BBS9: variants seen among roughly 807,000 people sequenced by gnomAD.
BBS9 encodes the protein Bardet-Biedl syndrome 9, also known as protein PTHB1.
BBS9 carries 89 observed loss-of-function variants against 117.7 expected under a neutral mutation model. The observed-to-expected ratio is 0.76, with a 90% CI of 0.64 to 0.90. The LOEUF is 0.90. BBS9 is among the 40% of genes least tolerant of loss of function. The pLI, the probability that BBS9 is intolerant of heterozygous loss-of-function variation, is 0.00. For missense variants in BBS9, 982 were observed against 1,042.2 expected (o/e 0.94, Z 0.80); for synonymous variants, 379 against 370.9 (o/e 1.02, Z -0.25).
intron 19 of BBS9, among the ~76,000 whole-genome samples, chr7:33,476,273 A>T (rs1487390638): frequency 6.6e-6 from 1 of 152,070 alleles, no homozygotes; most frequent in East Asian, 1.9e-4. Flanking sequence ...GTTGGATTCC[A>T]CTTGGACTAT....
At chr7:33,475,541 C>T (rs1339928408) in intron 19 of BBS9, among the ~76,000 whole-genome samples, 1 of 152,022 alleles carries the variant, frequency 6.6e-6, no homozygotes, top group Non-Finnish European at 1.5e-5. Context: ...GGATGTTTCA[C>T]AGCATCCCTG....
intron 21 of BBS9, among the ~76,000 whole-genome samples, chr7:33,541,820 A>G (rs1164802352): frequency 2.0e-5 from 3 of 152,214 alleles, no homozygotes; most frequent in African/African-American, 7.2e-5. Context: ...AGTGATAGCT[A>G]ATGAGTACAG....
intron 5 of BBS9, among the ~76,000 whole-genome samples, chr7:33,211,609 C>G (rs893048567): frequency 2.0e-5 from 3 of 152,016 alleles, no homozygotes; most frequent in Non-Finnish European, 4.4e-5. Context: ...TTTAGTCTTT[C>G]TACTTAATGT....
chr7:33,586,601 C>A (rs748340243), intron 21 of BBS9, among the ~76,000 whole-genome samples: 2 of 152,044 alleles, frequency 1.3e-5, no homozygotes, highest in Non-Finnish European at 2.9e-5. Flanking sequence ...CTTGTATGTT[C>A]ATCGCAGTGC....
At chr7:33,141,983 C>T (rs750073436) in intron 1 of BBS9, among the ~76,000 whole-genome samples, 2 of 151,704 alleles carry the variant, frequency 1.3e-5, no homozygotes, top group Admixed American at 6.6e-5. Flanking sequence ...TTGCCCAGGC[C>T]GGACTGCAGT....
At chr7:33,132,175 T>A (rs899370751) in intron 1 of BBS9, among the ~76,000 whole-genome samples, 2 of 152,206 alleles carry the variant, frequency 1.3e-5, no homozygotes, top group African/African-American at 4.8e-5. Flanking sequence ...GCTATTGCTT[T>A]TATAGTCTAC....
intron 16 of BBS9, 107 bp from the exon 17 acceptor site, chr7:33,367,660 A>G: frequency 1.2e-6 from 1 of 849,146 alleles, no homozygotes; most frequent in Non-Finnish European, 2.0e-6. Flanking sequence ...GAGTTTATAC[A>G]TGACTAGTGA....
chr7:33,600,795 A>T (rs1863680162), intron 21 of BBS9, among the ~76,000 whole-genome samples: 1 of 152,110 alleles, frequency 6.6e-6, no homozygotes, highest in African/African-American at 2.4e-5. Context: ...TCTGTGTCCC[A>T]TGCCTCCATC....
At chr7:33,371,419 T>A (rs910980277) in intron 17 of BBS9, among the ~76,000 whole-genome samples, 1 of 152,160 alleles carries the variant, frequency 6.6e-6, no homozygotes, top group African/African-American at 2.4e-5. Flanking sequence ...AGCAACCAAT[T>A]TCAGTAACTC....
At chr7:33,442,310 A>T (rs1325744297) in intron 19 of BBS9, among the ~76,000 whole-genome samples, 1 of 152,222 alleles carries the variant, frequency 6.6e-6, no homozygotes, top group Non-Finnish European at 1.5e-5. Context: ...AAGACCAGGA[A>T]AGAGATTTAG....
At chr7:33,148,737 T>C (rs1332089575) in intron 2 of BBS9, among the ~76,000 whole-genome samples, 4 of 150,214 alleles carry the variant, frequency 2.7e-5, no homozygotes. Flanking sequence ...TGATCATGGC[T>C]CACTGCAGCC....
intron 11 of BBS9, among the ~76,000 whole-genome samples, chr7:33,342,132 T>C (rs1287444221): frequency 6.6e-6 from 1 of 152,150 alleles, no homozygotes; most frequent in African/African-American, 2.4e-5. Flanking sequence ...AGATTAATTT[T>C]AGTATAAACA....
At chr7:33,394,714 T>G (rs1381271675) in intron 19 of BBS9, among the ~76,000 whole-genome samples, 1 of 152,210 alleles carries the variant, frequency 6.6e-6, no homozygotes, top group African/African-American at 2.4e-5. Context: ...TTTGTAAAAT[T>G]GGAATACTGC....
At chr7:33,281,208 A>G (rs905998092) in intron 9 of BBS9, among the ~76,000 whole-genome samples, 1 of 151,628 alleles carries the variant, frequency 6.6e-6, no homozygotes, top group Non-Finnish European at 1.5e-5. Context: ...TAGTCAGCTT[A>G]TATTCCTGAT....
chr7:33,587,640 G>A (rs1861152095), intron 21 of BBS9, among the ~76,000 whole-genome samples: 1 of 152,088 alleles, frequency 6.6e-6, no homozygotes, highest in Non-Finnish European at 1.5e-5. Flanking sequence ...TTTGACAATT[G>A]CAAGGGAGTC....
intron 20 of BBS9, among the ~76,000 whole-genome samples, chr7:33,510,907 T>C (rs920166833): frequency 1.3e-5 from 2 of 152,238 alleles, no homozygotes; most frequent in Non-Finnish European, 2.9e-5. Flanking sequence ...GATACTGACA[T>C]TAAGTTATAC....
chr7:33,351,263 A>G lies in BBS9; in HGVS notation c.1477A>G (p.Arg493Gly). 6.2e-7 allele frequency: 1 copy of G among 1,613,424 alleles called. No homozygotes were observed. Among genetic ancestry groups the G allele is most frequent in the Non-Finnish European group, 8.5e-7 (1 of 1,179,432 alleles). The change falls in exon 14 of 23, where the codon AGA (arginine) becomes GGA (glycine). Residue 493 changes from arginine (R) to glycine (G), a missense_variant. Transcript: ENST00000242067. The stretch of plus-strand genomic sequence containing the variant: ...AGTAAGCTTTTCTGTTTATCTGAAA[A>G]GAAGTTATACACCATCAGAATTGGA... ...RTVSFSVYLK[R>G]SYTPSELEGN...
intron 5 of BBS9, among the ~76,000 whole-genome samples, chr7:33,185,376 T>C (rs1452579014): frequency 1.3e-5 from 2 of 150,916 alleles, no homozygotes; most frequent in African/African-American, 4.9e-5. Flanking sequence ...TCTTTTTACA[T>C]AAATCTTTAT....
intron 16 of BBS9, among the ~76,000 whole-genome samples, chr7:33,360,545 G>A (rs1487582241): frequency 7.2e-6 from 1 of 138,760 alleles, no homozygotes; most frequent in African/African-American, 2.7e-5. Flanking sequence ...TTTTGAGACA[G>A]GGTCTCATTC....
Sources: allele counts gnomAD v4.1 joint callset (sites outside exome capture counted in the v4.1 genomes callset), GRCh38; gene constraint gnomAD v4.1.1; transcripts MANE v1.5; gene names NCBI Gene and HGNC (gene_info 2026-07-23, HGNC 2026-07-21).